GGA1: variants seen among roughly 807,000 people sequenced by gnomAD.
The protein encoded by GGA1 is ADP-ribosylation factor-binding protein GGA1.
Under a neutral mutation model 76.9 loss-of-function variants are expected in GGA1, and 18 were observed. The observed-to-expected ratio is 0.23, with a 90% CI of 0.16 to 0.35. The LOEUF is 0.35. GGA1 is among the 10% of genes least tolerant of loss of function. GGA1 has a pLI of 1.00. For missense variants in GGA1, 755 were observed against 859.0 expected (o/e 0.88, Z 1.51); for synonymous variants, 342 against 354.7 (o/e 0.96, Z 0.40).
At chr22:37,620,493 G>T in intron 5 of GGA1, 132 bp downstream of exon 5, 1 of 952,194 alleles carries the variant, frequency 1.1e-6, no homozygotes, top group Non-Finnish European at 1.6e-6. Flanking sequence ...TCTGGAGAAA[G>T]TACATACAGC....
chr22:37,632,562 C>T lies in GGA1; in HGVS notation c.1810-39C>T, dbSNP rs1249673109. 7 of 1,581,722 alleles carry T rather than the reference C, an allele frequency of 4.4e-6. No homozygotes were observed. The African/African-American group carries it at 9.4e-5, about 21-fold the overall frequency. ...CTGCAGGGTGGGGACGGCCACTTCT[C>T]CTCCTCTGACCCCTCTGCCTTTGCC... On this transcript the variant is annotated intron_variant, in intron 16 of 16. Coordinates refer to ENST00000343632, the MANE Select transcript of GGA1 (RefSeq NM_013365.5). The surrounding 1 kb of genome is among the most constrained non-coding windows in gnomAD (Gnocchi z 5.1).
Position 37,618,518 on chromosome 22 carries a change from A to G in GGA1, c.275A>G (p.Asn92Ser). Residue 92 changes from asparagine to serine, a missense_variant, in exon 4 of 17, where the codon AAC (asparagine) becomes AGC (serine). Transcript: ENST00000343632. ...GAAGTGGGCAAGTTCCGCTTTCTCA[A>G]CGAGCTCATCAAGGTCGTGTCTCCC... ...HDEVGKFRFLNELIKVVSPKY... is the reference protein window; with the variant it reads ...HDEVGKFRFLSELIKVVSPKY... 1 of 1,612,886 alleles carries G rather than the reference A, an allele frequency of 6.2e-7. No homozygotes were observed. Among genetic ancestry groups the G allele is most frequent in the Non-Finnish European group, 8.5e-7 (1 of 1,178,874 alleles).
At position 37,624,970 on chromosome 22, in the gene GGA1, G is replaced by A. The variant is rs751517; in HGVS notation, c.834G>A (p.Ala278=). ...CCTCTCCCCTCCTGCCTGTTCCAGC[G>A]GAGATCCTGCAGGCCAATGACAACC... ...SDTEDNDEAL[A]EILQANDNLT... The change falls in exon 10 of 17, where the codon GCG becomes GCA. Residue 278 remains alanine (A), a splice_region_variant and synonymous_variant. Transcript: ENST00000343632. The surrounding 1 kb of genome is among the most constrained non-coding windows in gnomAD (Gnocchi z 4.3). The A allele has an allele frequency of 2.0e-5, 32 of 1,583,416 alleles. No individual in the cohort carries two copies. The highest frequency in any genetic ancestry group is 1.4e-4 in the East Asian group (6 of 43,678).
intron 1 of GGA1, chr22:37,609,141 C>T (rs1271326972): frequency 6.1e-6 from 9 of 1,465,930 alleles, no homozygotes; most frequent in Non-Finnish European, 7.3e-6. Flanking sequence ...GGGCCATGAC[C>T]CCTGGGACGG....
At chr22:37,630,641 A>T in intron 13 of GGA1, 1 of 519,260 alleles carries the variant, frequency 1.9e-6, no homozygotes, top group Admixed American at 3.8e-5. Context: ...ATCTCGGCTC[A>T]CTGCAACCTC....
In GGA1 at chr22:37,623,873, C is replaced by T. The variant is rs1291890567; in HGVS notation, c.832+240C>T. 5.9e-6 allele frequency: 3 copies of T among 506,082 alleles called. No homozygotes were observed. Among genetic ancestry groups the T allele is most frequent in the East Asian group, 3.6e-5 (1 of 27,900 alleles). The allele number at this position is 506,082 out of a possible 1,614,324, so 31.3% of individuals were successfully genotyped here. ...GCATCTTATTTACTACCCGCAGCTG[C>T]ACAGGAGGCAGACCCATCCCCTTTT... On this transcript the variant is annotated intron_variant, in intron 9 of 16. Transcript: ENST00000343632. The surrounding 1 kb of genome is among the most constrained non-coding windows in gnomAD (Gnocchi z 4.6).
chr22:37,618,519 C>T lies in GGA1; in HGVS notation c.276C>T (p.Asn92=), dbSNP rs574222429. ...AAGTGGGCAAGTTCCGCTTTCTCAACGAGCTCATCAAGGTCGTGTCTCCCA... is the reference window on the plus strand; with the variant it reads ...AAGTGGGCAAGTTCCGCTTTCTCAATGAGCTCATCAAGGTCGTGTCTCCCA... ...HDEVGKFRFL[N]ELIKVVSPKY... The change falls in exon 4 of 17, where the codon AAC becomes AAT. Residue 92 remains asparagine, a synonymous_variant. Transcript: ENST00000343632. 4.3e-5 allele frequency: 70 copies of T among 1,612,542 alleles called. No homozygotes were observed. The highest frequency in any genetic ancestry group is 6.7e-5 in the Admixed American group (4 of 60,018).
chr22:37,619,695 G>A lies in GGA1; in HGVS notation c.304-543G>A, dbSNP rs1051983499. On this transcript the variant is annotated intron_variant, in intron 4 of 16. Coordinates refer to ENST00000343632, the MANE Select transcript of GGA1 (RefSeq NM_013365.5). Reference sequence around the variant, plus strand: ...CCGGCCTACTGTGAACATTTCTTAAGCTGTTTGAGTGACAGCCCACCCCCT... The same window carrying A: ...CCGGCCTACTGTGAACATTTCTTAAACTGTTTGAGTGACAGCCCACCCCCT... The A allele has an allele frequency of 4.4e-6, 3 of 678,384 alleles. No individual in the cohort carries two copies. In the Admixed American group the frequency reaches 7.0e-5, roughly 16 times the overall value. 42.0% of individuals were successfully genotyped at this position (678,384 alleles called of 1,614,324 possible). A position where few individuals can be genotyped will look rare whatever the true frequency, so the allele number is the denominator to read the frequency against.
Position 37,633,081 on chromosome 22 carries a change from A to G in GGA1, c.*370A>G, listed in dbSNP as rs1340671867. ...CCCCAGCTGGGGTGGGGTCTTCCCC[A>G]CCTGTCTCTTATGCCTTATGGGAAG... On this transcript the variant is annotated 3_prime_UTR_variant, in exon 17 of 17. Transcript: ENST00000343632. The G allele has an allele frequency of 1.3e-5, 3 of 225,142 alleles. No homozygotes were observed. The highest frequency in any genetic ancestry group is 2.7e-5 in the Non-Finnish European group (3 of 111,176). 13.9% of individuals were successfully genotyped at this position (225,142 alleles called of 1,614,324 possible). A position where few individuals can be genotyped will look rare whatever the true frequency, so the allele number is the denominator to read the frequency against.
intron 2 of GGA1, among the ~76,000 whole-genome samples, chr22:37,616,373 G>A (rs1362220877): frequency 2.0e-5 from 3 of 152,182 alleles, no homozygotes; most frequent in Non-Finnish European, 2.9e-5. Flanking sequence ...GCTTAGGCAG[G>A]AAAGTGCATG....
chr22:37,626,142 C>T lies in GGA1; in HGVS notation c.1093+193C>T, dbSNP rs567486350. ...AGTTAGGAGCTTGTGCGAGGCCACA[C>T]GGCCAGAGGGTGAGGCTGGCAACCT... On this transcript the variant is annotated intron_variant, in intron 11 of 16. Transcript: ENST00000343632. The T allele has an allele frequency of 6.2e-5, 26 of 422,240 alleles. No individual in the cohort carries two copies. In the South Asian group the frequency reaches 1.8e-3, roughly 29 times the overall value. The allele number at this position is 422,240 out of a possible 1,614,324, so 26.2% of individuals were successfully genotyped here.
intron 14 of GGA1, 135 bp downstream of exon 14, chr22:37,631,234 C>G: frequency 1.6e-6 from 1 of 636,050 alleles, no homozygotes; most frequent in Non-Finnish European, 2.6e-6. Flanking sequence ...GAGCTCTGAA[C>G]AAGGCCCTCC....
chr22:37,618,637 A>G, intron 4 of GGA1, 91 bp downstream of exon 4: 1 of 756,426 alleles, frequency 1.3e-6, no homozygotes, highest in Non-Finnish European at 2.3e-6. Flanking sequence ...TTTTCCAGGG[A>G]GCCTCCCACT....
intron 6 of GGA1, among the ~76,000 whole-genome samples, chr22:37,621,134 C>T (rs981479880): frequency 6.6e-6 from 1 of 152,160 alleles, no homozygotes; most frequent in Non-Finnish European, 1.5e-5. Context: ...TCTGGTGTCC[C>T]TGGAGTTTGT....
chr22:37,617,129 G>A (rs1205799975), intron 3 of GGA1, 132 bp downstream of exon 3: 2 of 1,509,668 alleles, frequency 1.3e-6, no homozygotes, highest in Non-Finnish European at 8.8e-7. Context: ...CCAGGATGGA[G>A]GTCCGGGCCT....
chr22:37,611,496 A>C (rs1927575334), intron 1 of GGA1, among the ~76,000 whole-genome samples: 1 of 152,234 alleles, frequency 6.6e-6, no homozygotes, highest in South Asian at 2.1e-4. Flanking sequence ...CTTGCTGGGC[A>C]GTGAACTTGA....
chr22:37,614,052 AG>A, intron 1 of GGA1, 137 bp from the exon 2 acceptor site: 2 of 675,962 alleles, frequency 3.0e-6, no homozygotes, highest in Non-Finnish European at 5.4e-6. Flanking sequence ...CTGTCTGGGC[AG>A]GAAGGCAGGG....
At chr22:37,630,580 T>A (rs2145999685) in intron 13 of GGA1, 1 of 447,940 alleles carries the variant, frequency 2.2e-6, no homozygotes, top group African/African-American at 2.1e-5. Context: ...ACTTTTTCTT[T>A]TTTTGAGAGG....
intron 3 of GGA1, chr22:37,618,208 G>GCTA (rs1484939852): frequency 1.9e-5 from 9 of 467,728 alleles, no homozygotes; most frequent in Non-Finnish European, 3.5e-5. Flanking sequence ...AATGGGACTA[G>GCTA]AGCATTGCTA....
Sources: gnomAD v4.1 joint callset for allele counts (sites outside exome capture counted in the v4.1 genomes callset) on GRCh38, gnomAD v4.1.1 for gene constraint, Gnocchi (gnomAD v3.1) non-coding constraint, MANE v1.5 for transcripts, NCBI Gene and HGNC (gene_info 2026-07-23, HGNC 2026-07-21) for gene names.